Variants in SGMS1 observed in about 807,000 individuals in gnomAD.
The protein encoded by SGMS1 is sphingomyelin synthase 1, also known as phosphatidylcholine:ceramide cholinephosphotransferase 1.
SGMS1 carries 13 observed loss-of-function variants against 46.2 expected under a neutral mutation model. The observed-to-expected ratio is 0.28, with a 90% CI of 0.18 to 0.45. The LOEUF (loss-of-function observed/expected upper bound fraction) is 0.45, where lower values mean the gene tolerates loss of function less well. Ranked by LOEUF, SGMS1 falls within the 20% of genes least tolerant of loss-of-function variation. The pLI, the probability that SGMS1 is intolerant of heterozygous loss-of-function variation, is 1.00. For missense variants in SGMS1, 324 were observed against 519.9 expected (o/e 0.62, Z 3.66); for synonymous variants, 203 against 187.8 (o/e 1.08, Z -0.66).
At chr10:50,343,394 A>T in intron 7 of SGMS1, 98 bp downstream of exon 7, 1 of 1,330,602 alleles carries the variant, frequency 7.5e-7, no homozygotes, top group Non-Finnish European at 1.0e-6. Flanking sequence ...GTATGTTTTG[A>T]TCCCAACAAG....
chr10:50,520,543 G>C (rs542309588), intron 2 of SGMS1, among the ~76,000 whole-genome samples: 43 of 152,144 alleles, frequency 2.8e-4, no homozygotes, highest in Non-Finnish European at 5.6e-4. Context: ...ATTCCCAAAG[G>C]TTGGGGAACT....
At chr10:50,468,505 T>C (rs188351791) in intron 3 of SGMS1, among the ~76,000 whole-genome samples, 3 of 152,334 alleles carry the variant, frequency 2.0e-5, no homozygotes, top group East Asian at 1.9e-4. Context: ...CAAAAGAAAC[T>C]AAATTTCATA....
intron 2 of SGMS1, among the ~76,000 whole-genome samples, chr10:50,563,762 A>G (rs1489769590): frequency 6.6e-6 from 1 of 151,480 alleles, no homozygotes; most frequent in Non-Finnish European, 1.5e-5. Flanking sequence ...AAAAAAAAAA[A>G]AAAAGAAACT....
At chr10:50,536,729 T>C (rs568850403) in intron 2 of SGMS1, among the ~76,000 whole-genome samples, 27 of 152,364 alleles carry the variant, frequency 1.8e-4, no homozygotes, top group African/African-American at 6.3e-4. Flanking sequence ...ATGTTTTTCA[T>C]ACATTTTGTC....
intron 7 of SGMS1, among the ~76,000 whole-genome samples, chr10:50,333,742 G>A (rs1321747052): frequency 6.6e-6 from 1 of 152,168 alleles, no homozygotes; most frequent in Non-Finnish European, 1.5e-5. Flanking sequence ...TGCTTGCCTG[G>A]GAGATTTAGA....
chr10:50,567,120 T>C (rs1235328472), intron 2 of SGMS1, among the ~76,000 whole-genome samples: 3 of 152,170 alleles, frequency 2.0e-5, no homozygotes, highest in East Asian at 3.9e-4. Context: ...CTAATTTTTG[T>C]ATTTTTACTA....
intron 2 of SGMS1, among the ~76,000 whole-genome samples, chr10:50,568,664 C>T (rs1384747169): frequency 6.6e-6 from 1 of 152,028 alleles, no homozygotes; most frequent in East Asian, 1.9e-4. Flanking sequence ...CACAGTGAGA[C>T]CCCATATCAA....
At chr10:50,339,627 A>G (rs1316019110) in intron 7 of SGMS1, among the ~76,000 whole-genome samples, 1 of 152,230 alleles carries the variant, frequency 6.6e-6, no homozygotes, top group Non-Finnish European at 1.5e-5. Context: ...CCCAGGGTCT[A>G]TCGGTGCCTG....
intron 6 of SGMS1, among the ~76,000 whole-genome samples, chr10:50,409,421 C>G (rs954402725): frequency 3.9e-5 from 6 of 152,190 alleles, no homozygotes; most frequent in Non-Finnish European, 8.8e-5. Context: ...CTGTTCCTGT[C>G]CATTCCATAC....
At chr10:50,355,641 C>T (rs1044961513) in intron 6 of SGMS1, among the ~76,000 whole-genome samples, 7 of 152,170 alleles carry the variant, frequency 4.6e-5, no homozygotes, top group South Asian at 2.1e-4. Context: ...ACCTCCCAGC[C>T]GCCTGCCTTG....
At chr10:50,568,633 G>A (rs1009870346) in intron 2 of SGMS1, among the ~76,000 whole-genome samples, 1 of 152,080 alleles carries the variant, frequency 6.6e-6, no homozygotes, top group Non-Finnish European at 1.5e-5. Context: ...TGAGTCCAGG[G>A]TTCCAGAAGA....
At chr10:50,398,655 C>T (rs1413524433) in intron 6 of SGMS1, among the ~76,000 whole-genome samples, 1 of 152,010 alleles carries the variant, frequency 6.6e-6, no homozygotes, top group Admixed American at 6.6e-5. Context: ...CTCAATCAAA[C>T]CAAGCCAAGA....
chr10:50,467,734 G>A (rs375646017), intron 3 of SGMS1, among the ~76,000 whole-genome samples: 9 of 152,180 alleles, frequency 5.9e-5, no homozygotes, highest in African/African-American at 2.2e-4. Flanking sequence ...ATCTGTCTGG[G>A]AGTCTAAGAA....
At position 50,378,621 on chromosome 10, in the gene SGMS1, T is replaced by C. The variant is rs371736684; in HGVS notation, c.-231-34276A>G. Reference sequence around the variant, plus strand: ...TCTATTCAAGTACCCCAAACTCATATATATATAGTAAGATATAAAACCTTC... The same window carrying C: ...TCTATTCAAGTACCCCAAACTCATACATATATAGTAAGATATAAAACCTTC... On this transcript the variant is annotated intron_variant, in intron 6 of 10. Coordinates refer to ENST00000361781, the MANE Select transcript of SGMS1 (RefSeq NM_147156.4). Among the ~76,000 whole-genome samples, 47 of 152,222 alleles carry C rather than the reference T, an allele frequency of 3.1e-4. No homozygotes were observed. The East Asian group carries it at 3.5e-3, about 11-fold the overall frequency.
intron 3 of SGMS1, among the ~76,000 whole-genome samples, chr10:50,478,384 G>A (rs1307515735): frequency 6.6e-6 from 1 of 152,136 alleles, no homozygotes; most frequent in Admixed American, 6.5e-5. Context: ...AGTAACACAT[G>A]TATTTGTAAG....
chr10:50,327,765 G>T (rs1847553980), intron 7 of SGMS1, among the ~76,000 whole-genome samples: 1 of 152,202 alleles, frequency 6.6e-6, no homozygotes, highest in South Asian at 2.1e-4. Flanking sequence ...CATTTAATGA[G>T]TCAAAGACAT....
chr10:50,531,453 C>T (rs998934923), intron 2 of SGMS1, among the ~76,000 whole-genome samples: 3 of 151,964 alleles, frequency 2.0e-5, no homozygotes, highest in African/African-American at 7.3e-5. Context: ...GTTCAATAAA[C>T]GTGATACACG....
At chr10:50,575,330 G>T (rs1431740232) in intron 2 of SGMS1, among the ~76,000 whole-genome samples, 1 of 152,076 alleles carries the variant, frequency 6.6e-6, no homozygotes, top group Non-Finnish European at 1.5e-5. Context: ...ATGGTGGGTG[G>T]ATCACATGAG....
intron 5 of SGMS1, among the ~76,000 whole-genome samples, chr10:50,440,251 C>T (rs1270969915): frequency 6.6e-6 from 1 of 151,486 alleles, no homozygotes; most frequent in Non-Finnish European, 1.5e-5. Context: ...TGTTACAGAA[C>T]TCTCCCAGCA....
Sources: allele counts gnomAD v4.1 joint callset (sites outside exome capture counted in the v4.1 genomes callset), GRCh38; gene constraint gnomAD v4.1.1; transcripts MANE v1.5; gene names NCBI Gene and HGNC (gene_info 2026-07-23, HGNC 2026-07-21).